Variants in NKAIN2 observed in about 807,000 individuals in gnomAD.
NKAIN2 encodes the protein sodium/potassium transporting ATPase interacting 2, also known as sodium/potassium-transporting ATPase subunit beta-1-interacting protein 2.
In NKAIN2, 14 loss-of-function variants were observed where a neutral mutation model predicts 32.6. The observed-to-expected ratio is 0.43, with a 90% CI of 0.28 to 0.67. The LOEUF (loss-of-function observed/expected upper bound fraction) is 0.67. Among genes scored for constraint, NKAIN2 ranks in the 30% least tolerant of loss-of-function variants. The pLI is 0.17. For synonymous variants in NKAIN2, 80 were observed against 87.2 expected (o/e 0.92, Z 0.46); for missense variants, 198 against 258.3 (o/e 0.77, Z 1.60).
At chr6:123,912,664 T>C (rs1257918701) in intron 1 of NKAIN2, among the ~76,000 whole-genome samples, 4 of 152,202 alleles carry the variant, frequency 2.6e-5, no homozygotes, top group African/African-American at 9.6e-5. Context: ...TGCCAGGTGA[T>C]GCCTACTCCC....
At chr6:124,794,673 G>A (rs982206333) in intron 5 of NKAIN2, among the ~76,000 whole-genome samples, 1 of 152,126 alleles carries the variant, frequency 6.6e-6, no homozygotes, top group African/African-American at 2.4e-5. Flanking sequence ...TAAACAGGTG[G>A]GAGGAGATGT....
At chr6:124,045,392 A>C (rs1219324528) in intron 1 of NKAIN2, among the ~76,000 whole-genome samples, 1 of 152,016 alleles carries the variant, frequency 6.6e-6, no homozygotes, top group Non-Finnish European at 1.5e-5. Context: ...GAAAAATGGA[A>C]AGGTGTTATG....
At chr6:124,334,776 G>C (rs1034136854) in intron 2 of NKAIN2, among the ~76,000 whole-genome samples, 3 of 152,168 alleles carry the variant, frequency 2.0e-5, no homozygotes, top group African/African-American at 7.2e-5. Flanking sequence ...ATTTTACAAA[G>C]GCAGTCTGGT....
At chr6:124,151,438 G>GT (rs1042084171) in intron 1 of NKAIN2, among the ~76,000 whole-genome samples, 87 of 151,970 alleles carry the variant, frequency 5.7e-4, no homozygotes, top group Middle Eastern at 3.4e-3. Flanking sequence ...TGCATATGTG[G>GT]TTTTTTTCCA....
chr6:124,790,251 T>C (rs1779688189), intron 4 of NKAIN2, among the ~76,000 whole-genome samples: 1 of 152,198 alleles, frequency 6.6e-6, no homozygotes, highest in African/African-American at 2.4e-5. Flanking sequence ...AGTGTACCCT[T>C]TGACTTAAAA....
chr6:124,255,499 A>G (rs1026420329), intron 1 of NKAIN2, among the ~76,000 whole-genome samples: 2 of 152,224 alleles, frequency 1.3e-5, no homozygotes, highest in Non-Finnish European at 2.9e-5. Context: ...TGAATGAGGC[A>G]CAGCTGCTGG....
intron 3 of NKAIN2, among the ~76,000 whole-genome samples, chr6:124,631,438 C>CA (rs1417201000): frequency 6.6e-6 from 1 of 152,002 alleles, no homozygotes; most frequent in Non-Finnish European, 1.5e-5. Flanking sequence ...ACCTAGGCAA[C>CA]AAAAAAATTA....
At chr6:124,140,341 C>A (rs957647211) in intron 1 of NKAIN2, among the ~76,000 whole-genome samples, 6 of 152,090 alleles carry the variant, frequency 3.9e-5, no homozygotes, top group Non-Finnish European at 8.8e-5. Flanking sequence ...TAATACGCAT[C>A]ATGTTTATTC....
rs535915499 is a variant in NKAIN2, at chr6:123,899,646, G to A, written c.54+95392G>A. On this transcript the variant is annotated intron_variant, in intron 1 of 6. Transcript: ENST00000368417. ...GTCAAATCGATCTCAAGTTTAGTCT[G>A]TCTCATGATGTAAGCAGCCCCTTCT... Among the ~76,000 whole-genome samples the A allele has an allele frequency of 1.6e-4, 24 of 152,310 alleles. 1 individual carries two copies. Among genetic ancestry groups the A allele is most frequent in the African/African-American group, 5.5e-4 (23 of 41,572 alleles).
At chr6:123,932,201 TTG>T (rs1776280120) in intron 1 of NKAIN2, among the ~76,000 whole-genome samples, 1 of 152,136 alleles carries the variant, frequency 6.6e-6, no homozygotes, top group Admixed American at 6.5e-5. Context: ...ACTTAGGCAT[TTG>T]TGACTTGCCT....
intron 1 of NKAIN2, among the ~76,000 whole-genome samples, chr6:124,193,273 G>A (rs971848147): frequency 3.3e-5 from 5 of 152,204 alleles, no homozygotes; most frequent in African/African-American, 1.2e-4. Flanking sequence ...GGGATCTCAT[G>A]CCTGCCAAGG....
At chr6:123,956,050 C>T (rs925210430) in intron 1 of NKAIN2, among the ~76,000 whole-genome samples, 1 of 151,492 alleles carries the variant, frequency 6.6e-6, no homozygotes, top group Non-Finnish European at 1.5e-5. Flanking sequence ...ATCTGAGCTA[C>T]CATGCCGAAC....
chr6:124,327,370 T>G (rs1169409576), intron 2 of NKAIN2, among the ~76,000 whole-genome samples: 1 of 145,000 alleles, frequency 6.9e-6, no homozygotes, highest in Non-Finnish European at 1.5e-5. Flanking sequence ...CATCTTTCAT[T>G]GTTGAACTCT....
chr6:124,532,951 A>G (rs1583399590), intron 3 of NKAIN2, among the ~76,000 whole-genome samples: 1 of 152,186 alleles, frequency 6.6e-6, no homozygotes, highest in Non-Finnish European at 1.5e-5. Context: ...CTCTTCAGGA[A>G]AAAGATAGGA....
At chr6:124,763,417 C>A (rs1402292053) in intron 4 of NKAIN2, among the ~76,000 whole-genome samples, 6 of 152,184 alleles carry the variant, frequency 3.9e-5, no homozygotes, top group Admixed American at 1.3e-4. Flanking sequence ...GAATGAGGCA[C>A]TTCTTACACA....
chr6:124,210,820 T>C (rs1418152447), intron 1 of NKAIN2, among the ~76,000 whole-genome samples: 3 of 151,946 alleles, frequency 2.0e-5, no homozygotes, highest in East Asian at 1.9e-4. Context: ...ACTGAACTTA[T>C]CAGTTCAATT....
intron 2 of NKAIN2, among the ~76,000 whole-genome samples, chr6:124,346,359 G>T (rs1357500515): frequency 6.6e-6 from 1 of 152,088 alleles, no homozygotes; most frequent in Non-Finnish European, 1.5e-5. Flanking sequence ...TCCGCTTGGT[G>T]CAGAGCTGAG....
intron 1 of NKAIN2, among the ~76,000 whole-genome samples, chr6:123,980,455 A>G (rs1244433924): frequency 6.6e-6 from 1 of 152,224 alleles, no homozygotes; most frequent in Non-Finnish European, 1.5e-5. Context: ...GCTGGGACAC[A>G]GGGTTAGTGA....
At chr6:124,175,370 A>G (rs1050098324) in intron 1 of NKAIN2, among the ~76,000 whole-genome samples, 1 of 152,234 alleles carries the variant, frequency 6.6e-6, no homozygotes, top group Non-Finnish European at 1.5e-5. Context: ...GCTGAAGTCA[A>G]TATTAAGATA....
Sources: gnomAD v4.1 joint callset for allele counts (sites outside exome capture counted in the v4.1 genomes callset) on GRCh38, gnomAD v4.1.1 for gene constraint, MANE v1.5 for transcripts, NCBI Gene and HGNC (gene_info 2026-07-23, HGNC 2026-07-21) for gene names.